SPC25: variants seen among roughly 807,000 people sequenced by gnomAD.
The protein encoded by SPC25 is SPC25 component of NDC80 kinetochore complex.
Under a neutral mutation model 29.6 loss-of-function variants are expected in SPC25, and 22 were observed. The observed-to-expected ratio is 0.74, with a 90% CI of 0.53 to 1.06. The LOEUF (loss-of-function observed/expected upper bound fraction) is 1.06. Ranked by LOEUF, SPC25 falls within the 50% of genes least tolerant of loss-of-function variation. The probability of loss-of-function intolerance (pLI) is 0.00; values close to 1 mark genes in which losing one functional copy is unlikely to be tolerated. For missense variants in SPC25, 230 were observed against 255.8 expected (o/e 0.90, Z 0.69); for synonymous variants, 91 against 90.4 (o/e 1.01, Z -0.04).
intron 4 of SPC25, chr2:168,864,880 T>A: frequency 6.2e-7 from 1 of 1,614,060 alleles, no homozygotes; most frequent in Non-Finnish European, 8.5e-7. Context: ...GATGGTGGTT[T>A]GGATCTTTGA....
At chr2:168,886,614 G>C (rs970753047) in intron 3 of SPC25, among the ~76,000 whole-genome samples, 1 of 151,720 alleles carries the variant, frequency 6.6e-6, no homozygotes, top group Non-Finnish European at 1.5e-5. Flanking sequence ...CCGCCTCCCA[G>C]GTTCACGCCA....
chr2:168,869,252 A>G (rs1280994935), downstream of SPC25, among the ~76,000 whole-genome samples: 1 of 152,252 alleles, frequency 6.6e-6, no homozygotes, highest in Non-Finnish European at 1.5e-5. Flanking sequence ...CCAATATCAT[A>G]TGGAATGGAC....
At chr2:168,889,008 T>G (rs1690329634) in intron 3 of SPC25, among the ~76,000 whole-genome samples, 1 of 135,238 alleles carries the variant, frequency 7.4e-6, no homozygotes, top group Admixed American at 7.6e-5. Flanking sequence ...TATACACATA[T>G]ATGTATATAT....
intron 3 of SPC25, among the ~76,000 whole-genome samples, chr2:168,888,957 G>GTGTATA (rs1183281593): frequency 0.019 from 1,751 of 91,662 alleles, 175 homozygotes; most frequent in African/African-American, 0.076. Context: ...GTGTGTGTGT[G>GTGTATA]TATATATATA....
chr2:168,877,132 G>T, intron 4 of SPC25, 106 bp downstream of exon 4: 2 of 1,250,472 alleles, frequency 1.6e-6, no homozygotes, highest in Non-Finnish European at 1.1e-6. Context: ...CTGGGGTACT[G>T]TAATCCATTT....
At chr2:168,889,833 T>C (rs1377608597) in intron 1 of SPC25, among the ~76,000 whole-genome samples, 1 of 152,170 alleles carries the variant, frequency 6.6e-6, no homozygotes, top group Non-Finnish European at 1.5e-5. Context: ...TGTTGACTTC[T>C]GAAACCCCTG....
At chr2:168,870,118 A>G (rs1225419540), downstream of SPC25, among the ~76,000 whole-genome samples, 2 of 151,862 alleles carry the variant, frequency 1.3e-5, no homozygotes, top group Non-Finnish European at 2.9e-5. Flanking sequence ...AGGATTCCCT[A>G]TTTAATAAAT....
Position 168,871,187 on chromosome 2 carries a change from T to A in SPC25, c.*244A>T. The A allele has an allele frequency of 5.0e-6, 1 of 200,118 alleles. No individual in the cohort carries two copies. The highest frequency in any genetic ancestry group is 9.3e-6 in the Non-Finnish European group (1 of 107,458). 12.4% of individuals were successfully genotyped at this position (200,118 alleles called of 1,614,324 possible). On this transcript the variant is annotated 3_prime_UTR_variant, in exon 7 of 7. Transcript: ENST00000282074. ...ACACATGGACACAGGAAGGGGAACA[T>A]CACACAACGGGGACTGTTGTGGGTT...
intron 4 of SPC25, among the ~76,000 whole-genome samples, chr2:168,876,454 G>C (rs1690088747): frequency 1.3e-5 from 2 of 152,040 alleles, no homozygotes; most frequent in African/African-American, 2.4e-5. Flanking sequence ...CCAGGGATTT[G>C]TATGGCTGGC....
At chr2:168,887,570 A>T (rs1690292474) in intron 3 of SPC25, among the ~76,000 whole-genome samples, 1 of 152,208 alleles carries the variant, frequency 6.6e-6, no homozygotes, top group African/African-American at 2.4e-5. Context: ...CATTTTGCAA[A>T]TGAAAGAACA....
At chr2:168,889,190 TA>T (rs748205350) in intron 3 of SPC25, 35 bp downstream of exon 3, 50 of 1,571,308 alleles carry the variant, frequency 3.2e-5, no homozygotes, top group East Asian at 4.5e-5. Flanking sequence ...ATGTTTTATC[TA>T]AAAAAAACCC....
At chr2:168,890,200 C>T (rs932391516) in intron 1 of SPC25, 118 bp downstream of exon 1, 10 of 474,140 alleles carry the variant, frequency 2.1e-5, no homozygotes, top group Non-Finnish European at 2.5e-5. Flanking sequence ...GCCCAAACAG[C>T]AACAAGATGC....
chr2:168,873,595 C>T lies in SPC25; in HGVS notation c.540G>A (p.Arg180=). Residue 180 remains arginine, a synonymous_variant, in exon 6 of 7, where the codon AGG becomes AGA. Transcript: ENST00000282074. ...FMFSLHLNEA[R]DYEVSDSAPH... is the part of the protein sequence containing the mutation. Reference sequence around the variant, plus strand: ...GATATTAGTACATACCTTCATAGTCCCTTGCTTCATTGAGATGTAAGGAAA... The same window carrying T: ...GATATTAGTACATACCTTCATAGTCTCTTGCTTCATTGAGATGTAAGGAAA... 6.2e-7 allele frequency: 1 copy of T among 1,608,298 alleles called. No homozygotes were observed.
chr2:168,863,293 A>T (rs1689592214), intron 4 of SPC25: 1 of 527,768 alleles, frequency 1.9e-6, no homozygotes, highest in South Asian at 8.4e-5. Flanking sequence ...AGAGACCGAG[A>T]ATAATGTCCT....
intron 1 of SPC25, 63 bp from the exon 2 acceptor site, chr2:168,889,596 A>G (rs894536730): frequency 6.1e-5 from 91 of 1,503,096 alleles, no homozygotes; most frequent in Non-Finnish European, 8.0e-5. Flanking sequence ...ACATATTCCA[A>G]TCGGGTATAC....
downstream of SPC25, among the ~76,000 whole-genome samples, chr2:168,866,177 C>T (rs1337649848): frequency 1.2e-3 from 186 of 152,380 alleles, no homozygotes; most frequent in Non-Finnish European, 5.7e-4. Flanking sequence ...CAATCCTAAG[C>T]CAAAAGAACA....
intron 3 of SPC25, among the ~76,000 whole-genome samples, chr2:168,888,149 G>A (rs530598408): frequency 6.6e-6 from 1 of 152,278 alleles, no homozygotes; most frequent in East Asian, 1.9e-4. Flanking sequence ...ATGCTGGTGT[G>A]CACCAGTGGT....
At chr2:168,867,327 C>A (rs890763644), downstream of SPC25, among the ~76,000 whole-genome samples, 1 of 152,142 alleles carries the variant, frequency 6.6e-6, no homozygotes, top group Non-Finnish European at 1.5e-5. Context: ...ACTGCATCAA[C>A]TAACGAGCAA....
intron 6 of SPC25, among the ~76,000 whole-genome samples, chr2:168,871,946 CT>C (rs970886546): frequency 1.4e-5 from 2 of 148,128 alleles, no homozygotes; most frequent in Admixed American, 6.7e-5. Flanking sequence ...CTTTTCATTT[CT>C]GACCACTGGA....
Sources: allele counts gnomAD v4.1 joint callset (sites outside exome capture counted in the v4.1 genomes callset), GRCh38; gene constraint gnomAD v4.1.1; transcripts MANE v1.5; gene names NCBI Gene and HGNC (gene_info 2026-07-23, HGNC 2026-07-21).